The following MYO3A variants were observed in gnomAD, a reference collection of about 807,000 sequenced individuals.
MYO3A encodes myosin IIIA.
Under a neutral mutation model 192.7 loss-of-function variants are expected in MYO3A, and 180 were observed. That is an observed-to-expected ratio of 0.93 (90% CI 0.83 to 1.06). The LOEUF (loss-of-function observed/expected upper bound fraction) is 1.06, where lower values mean the gene tolerates loss of function less well. Ranked by LOEUF, MYO3A falls within the 50% of genes least tolerant of loss-of-function variation. The probability of loss-of-function intolerance (pLI) is 0.00; values close to 1 mark genes in which losing one functional copy is unlikely to be tolerated. For synonymous variants in MYO3A, 628 were observed against 645.3 expected (o/e 0.97, Z 0.41); for missense variants, 1,896 against 1,905.0 (o/e 1.00, Z 0.09).
At chr10:25,983,994 T>G (rs1166675748) in intron 4 of MYO3A, among the ~76,000 whole-genome samples, 2 of 152,200 alleles carry the variant, frequency 1.3e-5, no homozygotes, top group Admixed American at 6.5e-5. Flanking sequence ...GCCCAGAATT[T>G]TGTATCCAGA....
intron 10 of MYO3A, among the ~76,000 whole-genome samples, chr10:26,032,483 G>T (rs538085140): frequency 5.5e-4 from 84 of 152,184 alleles, no homozygotes; most frequent in African/African-American, 2.0e-3. Flanking sequence ...AGGTGTGGTG[G>T]CAGGCACCTC....
intron 15 of MYO3A, among the ~76,000 whole-genome samples, chr10:26,090,926 A>G (rs540989395): frequency 1.3e-5 from 2 of 152,350 alleles, no homozygotes; most frequent in East Asian, 3.9e-4. Flanking sequence ...TGCCAGCTGC[A>G]GCTGTGGATC....
At chr10:25,998,911 T>C (rs1251274785) in intron 6 of MYO3A, among the ~76,000 whole-genome samples, 1 of 152,150 alleles carries the variant, frequency 6.6e-6, no homozygotes, top group Non-Finnish European at 1.5e-5. Context: ...TTTGTTTTGT[T>C]TTTTGAGATG....
intron 15 of MYO3A, among the ~76,000 whole-genome samples, chr10:26,095,039 C>T (rs1836929991): frequency 6.6e-6 from 1 of 152,064 alleles, no homozygotes; most frequent in Non-Finnish European, 1.5e-5. Flanking sequence ...AGGAAAGGAG[C>T]AGGGCAAGAG....
In MYO3A at chr10:26,077,233, GTTTTTT is replaced by G. The variant is rs34464120; in HGVS notation, c.1359+6849_1359+6854del. Among the ~76,000 whole-genome samples the G allele has an allele frequency of 3.1e-3, 112 of 36,298 alleles. 2 individuals carry two copies. The highest frequency in any genetic ancestry group is 7.8e-3 in the African/African-American group (80 of 10,272). The allele number at this position is 36,298 out of a possible 152,430, so 23.8% of individuals were successfully genotyped here. A position where few individuals can be genotyped will look rare whatever the true frequency, so the allele number is the denominator to read the frequency against. ...CTCCTTGGTTAGGTATATTCCTAAG[GTTTTTT>G]TTTTTTTTTTTTTTTTGCAGCTGTT... is the stretch of plus-strand genomic sequence containing the variant. On this transcript the variant is annotated intron_variant, in intron 14 of 34. Transcript: ENST00000642920.
intron 22 of MYO3A, among the ~76,000 whole-genome samples, chr10:26,145,740 C>A (rs74699977): frequency 6.6e-6 from 1 of 152,164 alleles, no homozygotes; most frequent in Non-Finnish European, 1.5e-5. Context: ...GAGGCCAGAC[C>A]CACTCCAGGG....
intron 32 of MYO3A, among the ~76,000 whole-genome samples, chr10:26,197,021 T>C (rs1190890994): frequency 6.6e-6 from 1 of 152,244 alleles, no homozygotes; most frequent in African/African-American, 2.4e-5. Flanking sequence ...TTCAAAATGT[T>C]TGTTCTTGAT....
At chr10:25,991,863 A>T (rs1481047465) in intron 4 of MYO3A, among the ~76,000 whole-genome samples, 1 of 151,982 alleles carries the variant, frequency 6.6e-6, no homozygotes, top group Non-Finnish European at 1.5e-5. Context: ...GTTCTGTTCC[A>T]TTGGTCTATA....
chr10:25,983,321 T>C (rs1359253690), intron 4 of MYO3A, among the ~76,000 whole-genome samples: 1 of 151,768 alleles, frequency 6.6e-6, no homozygotes, highest in East Asian at 1.9e-4. Flanking sequence ...AGTGGTGCGA[T>C]CTCGGCTCAC....
chr10:26,140,038 C>G (rs1197025599), intron 20 of MYO3A, among the ~76,000 whole-genome samples: 1 of 152,052 alleles, frequency 6.6e-6, no homozygotes, highest in Non-Finnish European at 1.5e-5. Context: ...TGGAGAGTGA[C>G]CAGTTAAGGA....
chr10:25,949,658 T>C (rs6482523), intron 2 of MYO3A, among the ~76,000 whole-genome samples: 108,956 of 151,952 alleles, frequency 0.72, 39,390 homozygotes, highest in African/African-American at 0.79. Flanking sequence ...TTTTAGCATG[T>C]ATTCATAGCC....
intron 6 of MYO3A, among the ~76,000 whole-genome samples, chr10:26,008,885 C>T (rs1436005675): frequency 6.6e-6 from 1 of 151,774 alleles, no homozygotes; most frequent in Non-Finnish European, 1.5e-5. Context: ...TGGGTATATA[C>T]CCAAAGGACT....
chr10:26,090,054 C>T (rs1344734178), intron 15 of MYO3A, among the ~76,000 whole-genome samples: 1 of 152,206 alleles, frequency 6.6e-6, no homozygotes, highest in East Asian at 1.9e-4. Flanking sequence ...CCACCCATAA[C>T]TAGAAGGACC....
chr10:26,046,484 T>A (rs969154265), intron 10 of MYO3A, among the ~76,000 whole-genome samples: 2 of 152,208 alleles, frequency 1.3e-5, no homozygotes, highest in Non-Finnish European at 2.9e-5. Flanking sequence ...ATATTCCACA[T>A]CAGTGCCCTC....
At chr10:26,194,264 G>C (rs900891545) in intron 32 of MYO3A, among the ~76,000 whole-genome samples, 1 of 152,070 alleles carries the variant, frequency 6.6e-6, no homozygotes. Context: ...TCCCTTAATT[G>C]TTCTTTTAAT....
chr10:26,208,553 A>G (rs934879542), intron 34 of MYO3A, among the ~76,000 whole-genome samples: 1 of 152,304 alleles, frequency 6.6e-6, no homozygotes, highest in Non-Finnish European at 1.5e-5. Flanking sequence ...TTTGTGATAT[A>G]CCTGGCAGAT....
At position 25,954,906 on chromosome 10, in the gene MYO3A, CA is replaced by C; in HGVS notation, c.202del (p.Ile68SerfsTer2). The C allele has an allele frequency of 6.2e-7, 1 of 1,612,294 alleles. No individual in the cohort carries two copies. Among genetic ancestry groups the C allele is most frequent in the Non-Finnish European group, 8.5e-7 (1 of 1,178,724 alleles). ...IDEEIEAEYNILKALSDHPNV... is the reference protein window; with the variant it reads ...IDEEIEAEYNXLKALSDHPNV... The stretch of plus-strand genomic sequence containing the variant: ...ACGAAGAGATTGAAGCAGAATATAA[CA>C]TCTTAAAAGCACTTTCTGACCACCC... On this transcript the variant is annotated frameshift_variant, in exon 4 of 35. Transcript: ENST00000642920. LOFTEE classifies it high-confidence loss of function.
chr10:26,194,463 T>C (rs1843309117), intron 32 of MYO3A, among the ~76,000 whole-genome samples: 1 of 152,136 alleles, frequency 6.6e-6, no homozygotes, highest in South Asian at 2.1e-4. Flanking sequence ...GGCTGGTCCC[T>C]CCATTTGCAA....
At chr10:25,955,997 T>C (rs1837510741) in intron 4 of MYO3A, among the ~76,000 whole-genome samples, 1 of 152,168 alleles carries the variant, frequency 6.6e-6, no homozygotes, top group African/African-American at 2.4e-5. Flanking sequence ...AACCAGCAGG[T>C]TCACTTGTCT....
Sources: gnomAD v4.1 joint callset for allele counts (sites outside exome capture counted in the v4.1 genomes callset) on GRCh38, gnomAD v4.1.1 for gene constraint, MANE v1.5 for transcripts, NCBI Gene and HGNC (gene_info 2026-07-23, HGNC 2026-07-21) for gene names.